The following TCF12 variants were observed in gnomAD, a reference collection of about 807,000 sequenced individuals.
The protein encoded by TCF12 is DNA-binding protein HTF4.
A neutral mutation model predicts 86.0 loss-of-function variants in TCF12; 45 were observed. The observed-to-expected ratio is 0.52, with a 90% CI of 0.41 to 0.67. TCF12 has a LOEUF of 0.67. TCF12 is among the 30% of genes least tolerant of loss of function. The pLI is 0.00. For synonymous variants in TCF12, 330 were observed against 299.6 expected, an observed-to-expected ratio of 1.10 and a Z score of -1.05; for missense variants, 881 against 859.9, an observed-to-expected ratio of 1.02 and a Z score of -0.31.
chr15:57,053,553 G>A (rs2141600985), intron 3 of TCF12, among the ~76,000 whole-genome samples: 1 of 151,286 alleles, frequency 6.6e-6, no homozygotes, highest in East Asian at 1.9e-4. Context: ...GTGTCATGAA[G>A]GTGAGGTGCT....
chr15:57,126,989 T>C (rs1345388599), intron 5 of TCF12, among the ~76,000 whole-genome samples: 1 of 151,412 alleles, frequency 6.6e-6, no homozygotes, highest in Non-Finnish European at 1.5e-5. Context: ...CTTTTCTTTT[T>C]TTTTTTTTGG....
At chr15:57,120,168 G>A (rs2051128689) in intron 5 of TCF12, among the ~76,000 whole-genome samples, 1 of 152,190 alleles carries the variant, frequency 6.6e-6, no homozygotes, top group African/African-American at 2.4e-5. Context: ...CTACTCGGAT[G>A]TACATTGGTA....
chr15:57,037,206 T>A (rs1466206417), intron 3 of TCF12, among the ~76,000 whole-genome samples: 1 of 152,154 alleles, frequency 6.6e-6, no homozygotes, highest in Non-Finnish European at 1.5e-5. Context: ...CCCAGCACTT[T>A]GGGAGGCCAA....
intron 3 of TCF12, among the ~76,000 whole-genome samples, chr15:56,940,942 G>A (rs1555452487): frequency 1.3e-5 from 2 of 148,286 alleles, no homozygotes; most frequent in African/African-American, 5.0e-5. Context: ...TTCTTTTTGG[G>A]TAGAGACAGT....
intron 4 of TCF12, among the ~76,000 whole-genome samples, chr15:57,077,381 A>ATT (rs11461802): frequency 0.41 from 44,815 of 108,288 alleles, 11,292 homozygotes; most frequent in Non-Finnish European, 0.53. Context: ...GTGTATATAT[A>ATT]TTTTTTTTTT....
intron 3 of TCF12, among the ~76,000 whole-genome samples, chr15:57,057,420 G>A (rs2068112820): frequency 6.6e-6 from 1 of 152,190 alleles, no homozygotes; most frequent in Admixed American, 6.5e-5. Context: ...AAACTCACCT[G>A]TGCTGGTCCC....
chr15:57,170,675 A>AAT (rs2055300422), intron 6 of TCF12, among the ~76,000 whole-genome samples: 1 of 9,472 alleles, frequency 1.1e-4, no homozygotes, highest in Non-Finnish European at 1.8e-4. Flanking sequence ...ATATATATAT[A>AAT]ATATATTATA....
At chr15:57,126,983 TC>T (rs1163422867) in intron 5 of TCF12, among the ~76,000 whole-genome samples, 6 of 135,484 alleles carry the variant, frequency 4.4e-5, no homozygotes, top group Non-Finnish European at 6.7e-5. Flanking sequence ...TTTTTTCTTT[TC>T]TTTTTTTTTT....
Position 57,182,241 on chromosome 15 carries a change from GA to G in TCF12, c.391-9912del, listed in dbSNP as rs538751745. On this transcript the variant is annotated intron_variant, in intron 6 of 20. Coordinates refer to ENST00000333725, the MANE Select transcript of TCF12 (RefSeq NM_207037.2). ...GATACCTAATTTTATTTTAGGAGAA[GA>G]AAAATAAAATAGTTGATGTGTGTTT... Among the ~76,000 whole-genome samples the G allele has an allele frequency of 2.0e-5, 3 of 151,848 alleles. No homozygotes were observed. In the South Asian group the frequency reaches 6.2e-4, roughly 31 times the overall value.
At chr15:57,171,970 C>G (rs183982009) in intron 6 of TCF12, among the ~76,000 whole-genome samples, 127 of 152,164 alleles carry the variant, frequency 8.3e-4, no homozygotes, top group Middle Eastern at 3.4e-3. Flanking sequence ...GTGGCAGGGT[C>G]TTGGTTTTTT....
At chr15:57,244,466 T>G (rs1479569096) in intron 13 of TCF12, among the ~76,000 whole-genome samples, 1 of 152,132 alleles carries the variant, frequency 6.6e-6, no homozygotes, top group African/African-American at 2.4e-5. Flanking sequence ...CACATTTGTT[T>G]TTGTTTTGTT....
At chr15:57,036,079 G>A (rs1391975158) in intron 3 of TCF12, among the ~76,000 whole-genome samples, 1 of 143,958 alleles carries the variant, frequency 6.9e-6, no homozygotes, top group African/African-American at 2.6e-5. Context: ...TGCCAGAAGG[G>A]TTGGAGACTG....
Position 57,166,261 on chromosome 15 carries a change from A to G in TCF12, c.326-141A>G, listed in dbSNP as rs117944217. 2.7e-4 allele frequency: 179 copies of G among 656,518 alleles called. No individual in the cohort carries two copies. In the East Asian group the frequency reaches 4.9e-3, roughly 18 times the overall value. 40.7% of individuals were successfully genotyped at this position (656,518 alleles called of 1,614,324 possible). A position where few individuals can be genotyped will look rare whatever the true frequency, so the allele number is the denominator to read the frequency against. On this transcript the variant is annotated intron_variant, in intron 5 of 20. Coordinates refer to ENST00000333725, the MANE Select transcript of TCF12 (RefSeq NM_207037.2). ...ACTGAAGTGATAGCAAGTTTTACAA[A>G]TTATTGAATTGTATCCTCTTATTTC...
In TCF12 at chr15:57,264,976, C is replaced by T. The variant is rs1056926645; in HGVS notation, c.1745+1702C>T. Reference sequence around the variant, plus strand: ...AACTCCTGACCTCCAGTGATCTGCCCACCTCGGCCTTCCAAAGTGCTGGGA... The same window carrying T: ...AACTCCTGACCTCCAGTGATCTGCCTACCTCGGCCTTCCAAAGTGCTGGGA... On this transcript the variant is annotated intron_variant, in intron 18 of 20. Coordinates refer to ENST00000333725, the MANE Select transcript of TCF12 (RefSeq NM_207037.2). Among the ~76,000 whole-genome samples, 3 of 151,762 alleles carry T rather than the reference C, an allele frequency of 2.0e-5. No homozygotes were observed. In the South Asian group the frequency reaches 6.2e-4, roughly 31 times the overall value.
chr15:57,257,877 T>C (rs2070274999), intron 16 of TCF12, among the ~76,000 whole-genome samples: 2 of 152,138 alleles, frequency 1.3e-5, no homozygotes, highest in Admixed American at 6.5e-5. Flanking sequence ...ATCAAGAGTT[T>C]TTAGAACTAT....
chr15:57,053,119 C>T (rs1440924624), intron 3 of TCF12, among the ~76,000 whole-genome samples: 4 of 152,162 alleles, frequency 2.6e-5, no homozygotes, highest in Non-Finnish European at 5.9e-5. Flanking sequence ...TCCTCATCAA[C>T]ACTTGTTTTC....
intron 14 of TCF12, 22 bp from the exon 15 acceptor site, chr15:57,252,399 T>C (rs1217677779): frequency 6.2e-7 from 1 of 1,608,502 alleles, no homozygotes; most frequent in East Asian, 2.2e-5. Context: ...CTTTGCCTCC[T>C]GTTCTGTCTT....
chr15:57,050,440 T>C (rs1347183966), intron 3 of TCF12, among the ~76,000 whole-genome samples: 1 of 152,206 alleles, frequency 6.6e-6, no homozygotes, highest in Non-Finnish European at 1.5e-5. Flanking sequence ...TTTGCTCTTA[T>C]GTAATTTATC....
intron 5 of TCF12, among the ~76,000 whole-genome samples, chr15:57,143,836 T>C (rs1420933433): frequency 6.6e-6 from 1 of 152,156 alleles, no homozygotes; most frequent in African/African-American, 2.4e-5. Context: ...AATGGGTCTT[T>C]AGGATAATAG....
Sources: gnomAD v4.1 joint callset for allele counts (sites outside exome capture counted in the v4.1 genomes callset) on GRCh38, gnomAD v4.1.1 for gene constraint, MANE v1.5 for transcripts, NCBI Gene and HGNC (gene_info 2026-07-23, HGNC 2026-07-21) for gene names.